Variants in ANO3 observed in about 807,000 individuals in gnomAD.
ANO3 encodes anoctamin-3.
A neutral mutation model predicts 144.8 loss-of-function variants in ANO3; 99 were observed. That is an observed-to-expected ratio of 0.68 (90% CI 0.58 to 0.81). The LOEUF is 0.81. Among genes scored for constraint, ANO3 ranks in the 30% least tolerant of loss-of-function variants. The pLI, the probability that ANO3 is intolerant of heterozygous loss-of-function variation, is 0.00. For synonymous variants in ANO3, 414 were observed against 392.6 expected (o/e 1.05, Z -0.64); for missense variants, 905 against 1,202.2 (o/e 0.75, Z 3.66).
At chr11:26,646,282 C>T (rs2133071316) in intron 23 of ANO3, among the ~76,000 whole-genome samples, 1 of 151,968 alleles carries the variant, frequency 6.6e-6, no homozygotes, top group East Asian at 1.9e-4. Context: ...ATTTTATAAC[C>T]ATTTACTTAT....
At chr11:26,305,261 G>A (rs900759685), upstream of ANO3, among the ~76,000 whole-genome samples, 1 of 151,718 alleles carries the variant, frequency 6.6e-6, no homozygotes, top group African/African-American at 2.4e-5. Flanking sequence ...ATTCAATCTG[G>A]TTTAGATGTC....
At chr11:26,382,811 T>G (rs182812073) in intron 1 of ANO3, among the ~76,000 whole-genome samples, 1 of 152,294 alleles carries the variant, frequency 6.6e-6, no homozygotes, top group Non-Finnish European at 1.5e-5. Context: ...CTTCTGTAGT[T>G]GTGAAAACAT....
chr11:26,553,219 GTT>G, intron 12 of ANO3, 28 bp from the exon 13 acceptor site: 1 of 1,197,676 alleles, frequency 8.3e-7, no homozygotes, highest in Non-Finnish European at 1.2e-6. Flanking sequence ...GCTATGTTTT[GTT>G]TTGTTTTTGT....
At chr11:26,272,019 G>C (rs1432525541) in intron 1 of ANO3, among the ~76,000 whole-genome samples, 1 of 152,106 alleles carries the variant, frequency 6.6e-6, no homozygotes, top group East Asian at 1.9e-4. Flanking sequence ...CCTGCTGCTA[G>C]TGTGGTGAGA....
intron 1 of ANO3, among the ~76,000 whole-genome samples, chr11:26,193,136 C>CTTTTT (rs34069836): frequency 1.6e-3 from 134 of 82,572 alleles, no homozygotes; most frequent in Non-Finnish European, 2.0e-3. Flanking sequence ...TTTTGCCTAT[C>CTTTTT]TTTTTTTTTT....
intron 1 of ANO3, among the ~76,000 whole-genome samples, chr11:26,193,134 A>G (rs1020704397): frequency 4.7e-5 from 5 of 105,738 alleles, no homozygotes; most frequent in African/African-American, 1.9e-4. Flanking sequence ...GATTTTGCCT[A>G]TCTTTTTTTT....
Position 26,563,142 on chromosome 11 carries a change from C to T in ANO3, c.1447+3363C>T, listed in dbSNP as rs745838488. 76 of 1,611,896 alleles carry T rather than the reference C, an allele frequency of 4.7e-5. No individual in the cohort carries two copies. In the Admixed American group the frequency reaches 6.4e-4, roughly 13 times the overall value. On this transcript the variant is annotated intron_variant, in intron 14 of 26. Transcript: ENST00000256737. ...TGGTTCATTTCTGTCGTCATAAAGTCGCCGATGGGAAAATGAATCCGTTTT... is the reference window on the plus strand; with the variant it reads ...TGGTTCATTTCTGTCGTCATAAAGTTGCCGATGGGAAAATGAATCCGTTTT...
Position 26,661,816 on chromosome 11 carries a change from G to A in ANO3, c.*1372G>A, listed in dbSNP as rs771641053. On this transcript the variant is annotated 3_prime_UTR_variant, in exon 27 of 27. Coordinates refer to ENST00000256737, the MANE Select transcript of ANO3 (RefSeq NM_031418.4). The stretch of plus-strand genomic sequence containing the variant: ...GATGGGGCACTCAAGAAAGTTCAGA[G>A]GAGGCATAAGCTATGGAGGTTGGAA... 6.6e-6 allele frequency: 1 copy of A among 152,068 alleles called. No homozygotes were observed. The highest frequency in any genetic ancestry group is 1.5e-5 in the Non-Finnish European group (1 of 68,000). 9.4% of individuals were successfully genotyped at this position (152,068 alleles called of 1,614,324 possible). A position where few individuals can be genotyped will look rare whatever the true frequency, so the allele number is the denominator to read the frequency against.
intron 10 of ANO3, among the ~76,000 whole-genome samples, chr11:26,538,427 TTTTCCC>T (rs1388325761): frequency 1.3e-5 from 2 of 152,194 alleles, no homozygotes; most frequent in African/African-American, 2.4e-5. Context: ...TGTGCATGTA[TTTTCCC>T]GTTATTCTGA....
At chr11:26,250,286 T>C (rs1439458653) in intron 1 of ANO3, among the ~76,000 whole-genome samples, 1 of 152,210 alleles carries the variant, frequency 6.6e-6, no homozygotes, top group Non-Finnish European at 1.5e-5. Flanking sequence ...TGGCTGTCTC[T>C]TTGTTCCACC....
chr11:26,622,794 A>C (rs964780029), intron 17 of ANO3, among the ~76,000 whole-genome samples: 14 of 152,174 alleles, frequency 9.2e-5, no homozygotes, highest in African/African-American at 3.4e-4. Context: ...TACCTACTTA[A>C]CAAAATTGTT....
intron 18 of ANO3, 24 bp downstream of exon 18, chr11:26,624,522 C>A: frequency 6.4e-7 from 1 of 1,570,600 alleles, no homozygotes; most frequent in Non-Finnish European, 8.7e-7. Flanking sequence ...TCTTACTTCA[C>A]TCCTTAGTCA....
At chr11:26,267,820 TA>T (rs1194585262) in intron 1 of ANO3, among the ~76,000 whole-genome samples, 4 of 152,158 alleles carry the variant, frequency 2.6e-5, no homozygotes, top group African/African-American at 9.7e-5. Flanking sequence ...GTCCTGAGAT[TA>T]AAAGCTTCTG....
At chr11:26,579,646 G>A (rs1195444057) in intron 14 of ANO3, among the ~76,000 whole-genome samples, 4 of 152,168 alleles carry the variant, frequency 2.6e-5, no homozygotes, top group Non-Finnish European at 5.9e-5. Flanking sequence ...CAACAGATTA[G>A]ATATGCTAGG....
At chr11:26,449,331 C>T (rs984497203) in intron 3 of ANO3, among the ~76,000 whole-genome samples, 1 of 152,168 alleles carries the variant, frequency 6.6e-6, no homozygotes, top group African/African-American at 2.4e-5. Flanking sequence ...TTCCAGAAGA[C>T]AGAAACTGTC....
chr11:26,473,794 C>A, intron 4 of ANO3: 1 of 263,316 alleles, frequency 3.8e-6, no homozygotes, highest in Non-Finnish European at 5.9e-6. Context: ...AGACATTAAC[C>A]AATGACACAT....
intron 24 of ANO3, among the ~76,000 whole-genome samples, chr11:26,649,672 G>A (rs1364248683): frequency 1.3e-5 from 2 of 152,044 alleles, no homozygotes; most frequent in African/African-American, 4.8e-5. Flanking sequence ...GAGAGGCGGA[G>A]GTTGCAGTGA....
chr11:26,319,671 T>A (rs1473050884), intron 1 of ANO3, among the ~76,000 whole-genome samples: 1 of 152,158 alleles, frequency 6.6e-6, no homozygotes, highest in African/African-American at 2.4e-5. Context: ...TAAAAATAGG[T>A]ATCATGGCTC....
At chr11:26,344,616 C>T (rs1180374004) in intron 1 of ANO3, among the ~76,000 whole-genome samples, 4 of 152,094 alleles carry the variant, frequency 2.6e-5, no homozygotes, top group Non-Finnish European at 5.9e-5. Context: ...CCGCCCGCCT[C>T]GGTCTCCCAA....
Sources: allele counts gnomAD v4.1 joint callset (sites outside exome capture counted in the v4.1 genomes callset), GRCh38; gene constraint gnomAD v4.1.1; transcripts MANE v1.5; gene names NCBI Gene and HGNC (gene_info 2026-07-23, HGNC 2026-07-21).